The following KCNN2 variants were observed in gnomAD, a reference collection of about 807,000 sequenced individuals.
KCNN2 encodes potassium calcium-activated channel subfamily N member 2.
A neutral mutation model predicts 55.5 loss-of-function variants in KCNN2; 24 were observed. That is an observed-to-expected ratio of 0.43 (90% CI 0.31 to 0.61). The LOEUF (loss-of-function observed/expected upper bound fraction) is 0.61, where lower values mean the gene tolerates loss of function less well. Among genes scored for constraint, KCNN2 ranks in the 20% least tolerant of loss-of-function variants. The probability of loss-of-function intolerance (pLI) is 0.08; values close to 1 mark genes in which losing one functional copy is unlikely to be tolerated. For missense variants in KCNN2, 754 were observed against 853.6 expected (o/e 0.88, Z 1.45); for synonymous variants, 431 against 336.1 (o/e 1.28, Z -3.09).
In KCNN2 at chr5:114,322,951, C is replaced by T. The variant is rs60888869; in HGVS notation, c.-184-37994C>T. Reference sequence around the variant, plus strand: ...CAATAGTTATCTTTTCTGCTCCTGTCCTCTTCCCACTCTCCCCGTCAAGTA... The same window carrying T: ...CAATAGTTATCTTTTCTGCTCCTGTTCTCTTCCCACTCTCCCCGTCAAGTA... On this transcript the variant is annotated intron_variant, in intron 2 of 10. Transcript: ENST00000512097. 6.4e-3 allele frequency among the ~76,000 whole-genome samples: 973 copies of T among 152,254 alleles called. 8 individuals are homozygous for T. The highest frequency in any genetic ancestry group is 0.022 in the African/African-American group (927 of 41,530).
intron 3 of KCNN2, among the ~76,000 whole-genome samples, chr5:114,437,075 A>G (rs1760033387): frequency 6.6e-6 from 1 of 151,824 alleles, no homozygotes; most frequent in Admixed American, 6.6e-5. Context: ...GTATGCGTGC[A>G]TGCATGCATG....
intron 2 of KCNN2, among the ~76,000 whole-genome samples, chr5:114,305,337 G>A (rs186367571): frequency 5.4e-4 from 82 of 152,286 alleles, no homozygotes; most frequent in Non-Finnish European, 1.8e-4. Context: ...TGGAATGCAG[G>A]CAGGCCAAGG....
At chr5:114,211,478 T>A (rs887476096) in intron 1 of KCNN2, among the ~76,000 whole-genome samples, 44 of 152,154 alleles carry the variant, frequency 2.9e-4, no homozygotes, top group African/African-American at 1.1e-3. Context: ...CCAAATACCA[T>A]ATGTTCTCAC....
intron 5 of KCNN2, among the ~76,000 whole-genome samples, chr5:114,479,880 CA>C (rs1209827147): frequency 6.6e-6 from 1 of 152,080 alleles, no homozygotes; most frequent in Non-Finnish European, 1.5e-5. Flanking sequence ...GCAGCTAAAG[CA>C]GTGTTAAGAA....
intron 3 of KCNN2, among the ~76,000 whole-genome samples, chr5:114,458,795 C>G (rs1298665986): frequency 6.6e-6 from 1 of 152,154 alleles, no homozygotes; most frequent in East Asian, 1.9e-4. Flanking sequence ...TACAGGGAAT[C>G]TGGAGAAGGG....
intron 1 of KCNN2, among the ~76,000 whole-genome samples, chr5:114,198,570 C>T (rs1454209355): frequency 1.3e-5 from 2 of 151,684 alleles, no homozygotes; most frequent in East Asian, 1.9e-4. Context: ...GATACACATA[C>T]GTGTATAGGT....
intron 1 of KCNN2, among the ~76,000 whole-genome samples, chr5:114,143,068 A>AG (rs1000627957): frequency 1.3e-5 from 2 of 152,088 alleles, no homozygotes; most frequent in South Asian, 2.1e-4. Context: ...AGCTGGGTCC[A>AG]GGGGGGTCAC....
At chr5:114,462,563 C>T (rs1187852416) in intron 3 of KCNN2, among the ~76,000 whole-genome samples, 1 of 152,118 alleles carries the variant, frequency 6.6e-6, no homozygotes, top group Non-Finnish European at 1.5e-5. Context: ...AGAAAAGGCT[C>T]CCACTTGAAC....
chr5:114,493,251 C>T (rs942656508), intron 6 of KCNN2, 152 bp from the exon 7 acceptor site: 1 of 710,330 alleles, frequency 1.4e-6, no homozygotes, highest in African/African-American at 1.7e-5. Flanking sequence ...TCTCATTGTA[C>T]CAGACACATA....
At chr5:114,426,286 A>G (rs1198761376) in intron 3 of KCNN2, among the ~76,000 whole-genome samples, 2 of 152,220 alleles carry the variant, frequency 1.3e-5, no homozygotes, top group Non-Finnish European at 2.9e-5. Flanking sequence ...GTGTCTATCA[A>G]GATGCTTATA....
At chr5:114,438,729 T>TAG (rs1760101933) in intron 3 of KCNN2, among the ~76,000 whole-genome samples, 1 of 152,168 alleles carries the variant, frequency 6.6e-6, no homozygotes, top group Admixed American at 6.5e-5. Context: ...CATCTTACCT[T>TAG]AGCACTTGGT....
intron 2 of KCNN2, among the ~76,000 whole-genome samples, chr5:114,293,628 T>A (rs917831730): frequency 6.6e-6 from 1 of 152,156 alleles, no homozygotes; most frequent in African/African-American, 2.4e-5. Flanking sequence ...ATCAATGTTC[T>A]TCAAGGATAT....
intron 2 of KCNN2, among the ~76,000 whole-genome samples, chr5:114,403,194 A>C (rs967632446): frequency 6.6e-6 from 1 of 152,200 alleles, no homozygotes; most frequent in African/African-American, 2.4e-5. Flanking sequence ...ACTTTGCCAC[A>C]CAGCTTTTGA....
intron 3 of KCNN2, among the ~76,000 whole-genome samples, chr5:114,459,944 G>GT (rs1316596695): frequency 1.3e-5 from 2 of 152,168 alleles, no homozygotes; most frequent in East Asian, 3.9e-4. Flanking sequence ...TTGAGCATTT[G>GT]TTAAAGGTAA....
chr5:114,472,943 A>G (rs1057282174), intron 4 of KCNN2, 111 bp from the exon 5 acceptor site: 10 of 587,414 alleles, frequency 1.7e-5, no homozygotes, highest in East Asian at 2.8e-5. Flanking sequence ...ATTGAAGACA[A>G]TGTTTTTAAT....
chr5:114,288,492 AT>A (rs1359658225), intron 2 of KCNN2, among the ~76,000 whole-genome samples: 1 of 70,482 alleles, frequency 1.4e-5, no homozygotes, highest in Non-Finnish European at 2.7e-5. Context: ...TACTTTATAT[AT>A]ATATATACAC....
At chr5:114,299,373 C>T (rs1412522146) in intron 2 of KCNN2, among the ~76,000 whole-genome samples, 1 of 152,170 alleles carries the variant, frequency 6.6e-6, no homozygotes, top group East Asian at 1.9e-4. Flanking sequence ...TTTCTGAATC[C>T]ATTACTGTAC....
At position 114,283,873 on chromosome 5, in the gene KCNN2, T is replaced by C. The variant is rs1218606409; in HGVS notation, c.-185+62308T>C. On this transcript the variant is annotated intron_variant, in intron 2 of 10. Coordinates refer to the KCNN2 transcript ENST00000512097. ...CGTCCCTACCACATTAGAGTATACA[T>C]TACCTTAGGTTTTTACCTTTGTCAC... Among the ~76,000 whole-genome samples the C allele has an allele frequency of 1.3e-5, 2 of 152,186 alleles. 1 individual carries two copies. The highest frequency in any genetic ancestry group is 2.9e-5 in the Non-Finnish European group (2 of 68,024).
At chr5:114,263,235 G>C (rs1182210185) in intron 2 of KCNN2, among the ~76,000 whole-genome samples, 1 of 152,152 alleles carries the variant, frequency 6.6e-6, no homozygotes, top group Non-Finnish European at 1.5e-5. Context: ...GCATGGGGTA[G>C]GGGTGCATGT....
Sources: gnomAD v4.1 joint callset for allele counts (sites outside exome capture counted in the v4.1 genomes callset) on GRCh38, gnomAD v4.1.1 for gene constraint, MANE v1.5 for transcripts, NCBI Gene and HGNC (gene_info 2026-07-23, HGNC 2026-07-21) for gene names.